CCDC141: variants seen among roughly 807,000 people sequenced by gnomAD.
CCDC141 encodes the protein coiled-coil domain containing 141.
In CCDC141, 168 loss-of-function variants were observed where a neutral mutation model predicts 181.0. That is an observed-to-expected ratio of 0.93 (90% CI 0.82 to 1.05). CCDC141 has a LOEUF of 1.05. Ranked by LOEUF, CCDC141 falls within the 50% of genes least tolerant of loss-of-function variation. The pLI, the probability that CCDC141 is intolerant of heterozygous loss-of-function variation, is 0.00. For synonymous variants in CCDC141, 666 were observed against 642.3 expected (o/e 1.04, Z -0.56); for missense variants, 1,902 against 1,788.5 (o/e 1.06, Z -1.14).
At chr2:178,931,788 A>AATTTTATGTAAT (rs1184052644) in intron 6 of CCDC141, among the ~76,000 whole-genome samples, 2 of 152,244 alleles carry the variant, frequency 1.3e-5, no homozygotes, top group East Asian at 3.9e-4. Context: ...ACTAATGATA[A>AATTTTATGTAAT]ATTTTATGTA....
intron 11 of CCDC141, among the ~76,000 whole-genome samples, chr2:178,881,898 C>CTG (rs1686627945): frequency 1.0e-5 from 1 of 95,828 alleles, no homozygotes; most frequent in Non-Finnish European, 2.2e-5. Flanking sequence ...CTGTCTCTCT[C>CTG]TCTCTCTCTC....
chr2:178,952,095 T>G (rs1689973864), intron 5 of CCDC141, among the ~76,000 whole-genome samples: 1 of 152,248 alleles, frequency 6.6e-6, no homozygotes, highest in South Asian at 2.1e-4. Context: ...GACTCTATCT[T>G]GCAGCTAAAA....
chr2:178,871,399 A>C, intron 14 of CCDC141, 28 bp downstream of exon 14: 1 of 1,596,244 alleles, frequency 6.3e-7, no homozygotes, highest in South Asian at 1.1e-5. Flanking sequence ...TTTTCCATTC[A>C]CCCAAATCCA....
At chr2:179,011,934 G>C (rs766246629) in intron 2 of CCDC141, among the ~76,000 whole-genome samples, 1 of 152,084 alleles carries the variant, frequency 6.6e-6, no homozygotes, top group African/African-American at 2.4e-5. Flanking sequence ...TGACAATAAT[G>C]ACACAACCTA....
intron 2 of CCDC141, among the ~76,000 whole-genome samples, chr2:178,990,139 CAA>C (rs60180781): frequency 7.5e-5 from 9 of 119,222 alleles, no homozygotes; most frequent in Non-Finnish European, 9.0e-5. Context: ...AATTCCATCT[CAA>C]AAAAAAAAAA....
At chr2:178,871,988 A>T in intron 13 of CCDC141, 145 bp downstream of exon 13, 1 of 788,270 alleles carries the variant, frequency 1.3e-6, no homozygotes, top group Non-Finnish European at 2.0e-6. Context: ...GTTTGACTAC[A>T]GGGACCTCAT....
chr2:178,839,581 C>CAAAAAA (rs58096328), intron 22 of CCDC141, among the ~76,000 whole-genome samples: 17 of 59,510 alleles, frequency 2.9e-4, no homozygotes, highest in African/African-American at 3.6e-4. Flanking sequence ...ACTTCGTCTC[C>CAAAAAA]AAAAAAAAAA....
At chr2:178,956,838 A>C (rs1690180893) in intron 5 of CCDC141, among the ~76,000 whole-genome samples, 3 of 152,084 alleles carry the variant, frequency 2.0e-5, no homozygotes, top group Admixed American at 2.0e-4. Flanking sequence ...GTATAACAAC[A>C]GTAATGCTAC....
chr2:178,949,134 G>GAGT (rs939187026), intron 5 of CCDC141, among the ~76,000 whole-genome samples: 2 of 152,156 alleles, frequency 1.3e-5, no homozygotes, highest in African/African-American at 4.8e-5. Context: ...GTACCAAAAA[G>GAGT]AGTAGGAAGG....
downstream of CCDC141, among the ~76,000 whole-genome samples, chr2:178,828,966 G>T (rs1684169027): frequency 6.6e-6 from 1 of 152,004 alleles, no homozygotes; most frequent in African/African-American, 2.4e-5. Flanking sequence ...AAAGGAAAAG[G>T]ATTTCATTTT....
chr2:178,984,247 T>C (rs1049711962), intron 2 of CCDC141, among the ~76,000 whole-genome samples: 13 of 147,478 alleles, frequency 8.8e-5, no homozygotes, highest in African/African-American at 3.2e-4. Flanking sequence ...ATAATATACT[T>C]TACAGACAAG....
At chr2:178,896,292 C>T (rs1687399741) in intron 8 of CCDC141, among the ~76,000 whole-genome samples, 1 of 152,144 alleles carries the variant, frequency 6.6e-6, no homozygotes, top group Non-Finnish European at 1.5e-5. Flanking sequence ...CGGATTGTGT[C>T]TCCCTTCTCT....
intron 8 of CCDC141, among the ~76,000 whole-genome samples, chr2:178,897,116 C>T (rs1421426539): frequency 6.6e-6 from 1 of 152,032 alleles, no homozygotes; most frequent in Non-Finnish European, 1.5e-5. Flanking sequence ...AAAATGATCT[C>T]CTGCTCAGTC....
intron 2 of CCDC141, among the ~76,000 whole-genome samples, chr2:178,986,945 T>C (rs1691776870): frequency 6.6e-6 from 1 of 152,066 alleles, no homozygotes; most frequent in Non-Finnish European, 1.5e-5. Context: ...AATGACTTTC[T>C]TCACAGAATT....
At chr2:179,013,523 A>C (rs776212892) in intron 2 of CCDC141, among the ~76,000 whole-genome samples, 3 of 152,182 alleles carry the variant, frequency 2.0e-5, no homozygotes, top group Admixed American at 6.5e-5. Flanking sequence ...CAATATTGTG[A>C]AAATGATCAT....
chr2:178,896,314 C>T lies in CCDC141; in HGVS notation c.1266-7646G>A, dbSNP rs539037351. On this transcript the variant is annotated intron_variant, in intron 8 of 23. Coordinates refer to ENST00000443758, the MANE Select transcript of CCDC141 (RefSeq NM_173648.4). Reference sequence around the variant, plus strand: ...TGTCTCCCTTCTCTGAAGAAGTGACCGCAACATCCACTGTACTCATGGGCC... The same window carrying T: ...TGTCTCCCTTCTCTGAAGAAGTGACTGCAACATCCACTGTACTCATGGGCC... Among the ~76,000 whole-genome samples, 11 of 152,164 alleles carry T rather than the reference C, an allele frequency of 7.2e-5. 1 individual carries two copies. The highest frequency in any genetic ancestry group is 9.6e-5 in the African/African-American group (4 of 41,502).
chr2:178,916,181 C>T (rs1688439190), intron 7 of CCDC141, among the ~76,000 whole-genome samples: 2 of 152,064 alleles, frequency 1.3e-5, no homozygotes, highest in Non-Finnish European at 2.9e-5. Context: ...CAAGGCACAA[C>T]GAAGTGAATT....
chr2:178,934,793 C>T (rs1049947027), intron 6 of CCDC141, among the ~76,000 whole-genome samples: 1 of 152,150 alleles, frequency 6.6e-6, no homozygotes, highest in African/African-American at 2.4e-5. Context: ...CAGAGAACAC[C>T]TGCTTTCTCT....
At chr2:179,002,150 C>T in intron 2 of CCDC141, 2 of 240,252 alleles carry the variant, frequency 8.3e-6, no homozygotes, top group Admixed American at 4.9e-5. Context: ...AGCACATGGC[C>T]ACAGAAGTAG....
Sources: gnomAD v4.1 joint callset for allele counts (sites outside exome capture counted in the v4.1 genomes callset) on GRCh38, gnomAD v4.1.1 for gene constraint, MANE v1.5 for transcripts, NCBI Gene and HGNC (gene_info 2026-07-23, HGNC 2026-07-21) for gene names.